ELAPOR2: variants seen among roughly 807,000 people sequenced by gnomAD.
ELAPOR2 encodes endosome/lysosome-associated apoptosis and autophagy regulator family member 2.
A neutral mutation model predicts 120.7 loss-of-function variants in ELAPOR2; 89 were observed. The observed-to-expected ratio is 0.74, with a 90% CI of 0.62 to 0.88. The LOEUF (loss-of-function observed/expected upper bound fraction) is 0.88. Among genes scored for constraint, ELAPOR2 ranks in the 40% least tolerant of loss-of-function variants. The pLI, the probability that ELAPOR2 is intolerant of heterozygous loss-of-function variation, is 0.00. For synonymous variants in ELAPOR2, 444 were observed against 444.9 expected (o/e 1.00, Z 0.03); for missense variants, 1,134 against 1,251.6 (o/e 0.91, Z 1.42).
chr7:86,985,189 G>C (rs1792675058), intron 1 of ELAPOR2, among the ~76,000 whole-genome samples: 1 of 152,142 alleles, frequency 6.6e-6, no homozygotes, highest in South Asian at 2.1e-4. Context: ...CTGAAATTGA[G>C]GCAATAATTA....
At chr7:86,925,752 G>C in intron 9 of ELAPOR2, 96 bp from the exon 10 acceptor site, 1 of 1,096,732 alleles carries the variant, frequency 9.1e-7, no homozygotes, top group South Asian at 1.3e-5. Context: ...CAATTAGCAG[G>C]GAGAGAAGTG....
rs1789059920 is a variant in ELAPOR2 at position 86,907,150 on chromosome 7, C to T, written c.2558+520G>A. On this transcript the variant is annotated intron_variant, in intron 18 of 21. Transcript: ENST00000450689. ...GAAGCACATTATGTATTTTATAAGTCAGACTTACCTTGGTGATTCTGCCAC... is the reference window on the plus strand; with the variant it reads ...GAAGCACATTATGTATTTTATAAGTTAGACTTACCTTGGTGATTCTGCCAC... Among the ~76,000 whole-genome samples, 2 of 152,064 alleles carry T rather than the reference C, an allele frequency of 1.3e-5. 1 individual carries two copies. The highest frequency in any genetic ancestry group is 4.1e-4 in the South Asian group (2 of 4,828).
intron 9 of ELAPOR2, among the ~76,000 whole-genome samples, 185 bp downstream of exon 9, chr7:86,926,551 C>A (rs961152740): frequency 2.6e-5 from 4 of 151,940 alleles, no homozygotes; most frequent in Non-Finnish European, 5.9e-5. Flanking sequence ...AGTAAGTATA[C>A]AACATGGCTA....
chr7:86,966,882 G>A (rs913441862), intron 1 of ELAPOR2, among the ~76,000 whole-genome samples: 2 of 152,102 alleles, frequency 1.3e-5, no homozygotes, highest in Non-Finnish European at 2.9e-5. Context: ...CTCTGCCTCT[G>A]TGGTACCATT....
At chr7:86,961,214 T>G (rs1351403161) in intron 2 of ELAPOR2, among the ~76,000 whole-genome samples, 2 of 152,192 alleles carry the variant, frequency 1.3e-5, no homozygotes, top group African/African-American at 2.4e-5. Context: ...TATGACTGAT[T>G]TGATCCTTTC....
chr7:86,923,339 C>T (rs979409124), intron 10 of ELAPOR2, among the ~76,000 whole-genome samples: 4 of 151,872 alleles, frequency 2.6e-5, no homozygotes, highest in Non-Finnish European at 5.9e-5. Flanking sequence ...TCCCATTACC[C>T]TTATTTGATC....
chr7:87,055,570 C>G (rs1795236389), intron 1 of ELAPOR2, among the ~76,000 whole-genome samples: 1 of 152,032 alleles, frequency 6.6e-6, no homozygotes, highest in Non-Finnish European at 1.5e-5. Flanking sequence ...AATGTCTTTC[C>G]CCCAAACTAG....
chr7:86,912,962 C>A lies in ELAPOR2; in HGVS notation c.1974G>T (p.Gly658=), dbSNP rs780121884. ...VYGKEACIPC[G]PGSKNNQDHS... is the part of the protein sequence containing the mutation. ...TTACCTGATTGTTTTTACTCCCAGG[C>A]CCGCATGGAATACAAGCCTCTTTGC... The change falls in exon 14 of 22, where the codon GGG becomes GGT. Residue 658 remains glycine (G), a synonymous_variant. Transcript: ENST00000450689. 1.9e-6 allele frequency: 3 copies of A among 1,613,906 alleles called. No homozygotes were observed. The highest frequency in any genetic ancestry group is 1.3e-5 in the African/African-American group (1 of 74,924).
intron 2 of ELAPOR2, among the ~76,000 whole-genome samples, chr7:86,963,735 C>A (rs756842915): frequency 6.6e-6 from 1 of 152,192 alleles, no homozygotes; most frequent in Non-Finnish European, 1.5e-5. Context: ...TCCCTTTCAA[C>A]CACATTCCTC....
At chr7:86,955,211 T>C (rs544885305) in intron 2 of ELAPOR2, among the ~76,000 whole-genome samples, 100 of 152,254 alleles carry the variant, frequency 6.6e-4, no homozygotes, top group African/African-American at 2.2e-3. Flanking sequence ...CTGTTATTTG[T>C]GAAATTCTTA....
At chr7:87,043,078 G>C (rs1416076858) in intron 1 of ELAPOR2, among the ~76,000 whole-genome samples, 1 of 152,052 alleles carries the variant, frequency 6.6e-6, no homozygotes, top group East Asian at 1.9e-4. Flanking sequence ...TTGAATCTCT[G>C]AATAGACCAA....
chr7:86,924,645 T>C (rs1318340753), intron 10 of ELAPOR2, among the ~76,000 whole-genome samples: 2 of 152,042 alleles, frequency 1.3e-5, no homozygotes, highest in African/African-American at 4.8e-5. Context: ...TACTGAGGCT[T>C]TGTCTTTTCC....
intron 1 of ELAPOR2, among the ~76,000 whole-genome samples, chr7:87,023,004 A>C (rs1159072727): frequency 2.0e-5 from 3 of 151,812 alleles, no homozygotes; most frequent in African/African-American, 7.3e-5. Context: ...GATTGCAAAA[A>C]TTTTCTCCCA....
intron 1 of ELAPOR2, among the ~76,000 whole-genome samples, chr7:86,977,146 A>G (rs1326518037): frequency 6.6e-6 from 1 of 152,238 alleles, no homozygotes; most frequent in African/African-American, 2.4e-5. Flanking sequence ...GATACATATC[A>G]ATCATTGTGC....
intron 1 of ELAPOR2, among the ~76,000 whole-genome samples, chr7:87,006,373 G>A (rs1334406678): frequency 6.6e-6 from 1 of 151,730 alleles, no homozygotes; most frequent in Non-Finnish European, 1.5e-5. Context: ...AAGGCCTGTT[G>A]GGGGGTGGGG....
At chr7:86,958,295 T>C (rs899954302) in intron 2 of ELAPOR2, among the ~76,000 whole-genome samples, 2 of 152,198 alleles carry the variant, frequency 1.3e-5, no homozygotes, top group African/African-American at 4.8e-5. Flanking sequence ...CTTTACAAGG[T>C]TGTTGTAATG....
intron 1 of ELAPOR2, among the ~76,000 whole-genome samples, chr7:87,008,676 T>C (rs1793560926): frequency 6.6e-6 from 1 of 152,234 alleles, no homozygotes; most frequent in African/African-American, 2.4e-5. Context: ...ATTACAGGCA[T>C]GAGCCACTTC....
intron 21 of ELAPOR2, among the ~76,000 whole-genome samples, chr7:86,889,266 T>C (rs1799839334): frequency 1.3e-5 from 2 of 152,020 alleles, no homozygotes; most frequent in South Asian, 4.1e-4. Flanking sequence ...GATTAATGTA[T>C]CTGGATTGTC....
At position 86,912,909 on chromosome 7, in the gene ELAPOR2, C is replaced by T. The variant is rs1789380928; in HGVS notation, c.1995+32G>A. The T allele has an allele frequency of 4.4e-6, 7 of 1,606,928 alleles. No homozygotes were observed. The South Asian group carries it at 7.7e-5, about 18-fold the overall frequency. On this transcript the variant is annotated intron_variant, in intron 14 of 21. Transcript: ENST00000450689. ...GAATTTCTCTATTAAAATGTGCTTT[C>T]ATGGGGATACCTGAAATGCAGACCC...
Sources: gnomAD v4.1 joint callset for allele counts (sites outside exome capture counted in the v4.1 genomes callset) on GRCh38, gnomAD v4.1.1 for gene constraint, MANE v1.5 for transcripts, NCBI Gene and HGNC (gene_info 2026-07-23, HGNC 2026-07-21) for gene names.